Variants in GRM8 observed in about 807,000 individuals in gnomAD.
GRM8 encodes the protein glutamate metabotropic receptor 8, also known as metabotropic glutamate receptor 8.
GRM8 carries 47 observed loss-of-function variants against 87.2 expected under a neutral mutation model. The observed-to-expected ratio is 0.54, with a 90% CI of 0.43 to 0.69. GRM8 has a LOEUF of 0.69. Ranked by LOEUF, GRM8 falls within the 30% of genes least tolerant of loss-of-function variation. The probability of loss-of-function intolerance (pLI) is 0.00; values close to 1 mark genes in which losing one functional copy is unlikely to be tolerated. For missense variants in GRM8, 1,019 were observed against 1,139.2 expected (o/e 0.89, Z 1.52); for synonymous variants, 396 against 404.5 (o/e 0.98, Z 0.25).
intron 3 of GRM8, among the ~76,000 whole-genome samples, chr7:126,971,943 C>T (rs138502206): frequency 1.2e-3 from 182 of 152,256 alleles, no homozygotes; most frequent in African/African-American, 4.2e-3. Flanking sequence ...TGCAACAAGG[C>T]CTTCAATCCC....
At chr7:126,694,564 G>A (rs563056173) in intron 7 of GRM8, among the ~76,000 whole-genome samples, 1 of 151,896 alleles carries the variant, frequency 6.6e-6, no homozygotes, top group South Asian at 2.1e-4. Context: ...TTTTGCAATT[G>A]ATTTGCAAAA....
At chr7:126,806,420 A>T (rs1586014611) in intron 6 of GRM8, among the ~76,000 whole-genome samples, 1 of 152,084 alleles carries the variant, frequency 6.6e-6, no homozygotes, top group African/African-American at 2.4e-5. Flanking sequence ...AAAGAACAAA[A>T]CCTCCAAAGT....
chr7:126,823,418 G>A (rs998039077), intron 6 of GRM8, among the ~76,000 whole-genome samples: 1 of 152,180 alleles, frequency 6.6e-6, no homozygotes, highest in African/African-American at 2.4e-5. Flanking sequence ...CAGAAGTGAG[G>A]CAGAGTATTA....
At chr7:126,823,046 C>T (rs2130211491) in intron 6 of GRM8, among the ~76,000 whole-genome samples, 1 of 152,256 alleles carries the variant, frequency 6.6e-6, no homozygotes, top group Non-Finnish European at 1.5e-5. Flanking sequence ...TTTTATGCCA[C>T]CAAACCTACT....
intron 3 of GRM8, among the ~76,000 whole-genome samples, chr7:127,023,918 GATCAGTAAT>G (rs1389118413): frequency 2.6e-5 from 4 of 152,060 alleles, no homozygotes; most frequent in African/African-American, 9.7e-5. Flanking sequence ...TTTAGAAAAT[GATCAGTAAT>G]TTTTCTGAGA....
rs1447351317 is a variant in GRM8, at chr7:126,533,082, G to A, written c.2300C>T (p.Ala767Val). Residue 767 changes from alanine (A) to valine (V), a missense_variant, in exon 9 of 11, where the codon GCC (alanine) becomes GTC (valine). Coordinates refer to ENST00000339582, the MANE Select transcript of GRM8 (RefSeq NM_000845.3). ...CTCTGGGACACCTCTCGTTTTAATG[G>A]CATAAACAGTACAAGTGACCATCAA... ...ILLMVTCTVYAIKTRGVPETF... is the reference protein window; with the variant it reads ...ILLMVTCTVYVIKTRGVPETF... 4 of 1,612,994 alleles carry A rather than the reference G, an allele frequency of 2.5e-6. No homozygotes were observed. Among genetic ancestry groups the A allele is most frequent in the Non-Finnish European group, 3.4e-6 (4 of 1,179,550 alleles).
intron 3 of GRM8, among the ~76,000 whole-genome samples, chr7:126,955,275 T>C (rs113438776): frequency 3.3e-5 from 5 of 152,246 alleles, no homozygotes; most frequent in African/African-American, 1.2e-4. Flanking sequence ...CTCTTAGAAG[T>C]GTCCTATCTA....
intron 7 of GRM8, among the ~76,000 whole-genome samples, chr7:126,707,426 T>C (rs571958497): frequency 3.9e-4 from 59 of 152,278 alleles, no homozygotes; most frequent in African/African-American, 1.4e-3. Flanking sequence ...GCAAATTGTA[T>C]CTTGCCTTAA....
rs116730317 is a variant in GRM8, at chr7:126,484,423, T to C, written c.2431-38051A>G. The stretch of plus-strand genomic sequence containing the variant: ...TCCCTTAGCATGCATTTCAATAGCA[T>C]TAAGATATAGAAATATTAATAAGAA... On this transcript the variant is annotated intron_variant, in intron 9 of 10. Coordinates refer to ENST00000339582, the MANE Select transcript of GRM8 (RefSeq NM_000845.3). Among the ~76,000 whole-genome samples, 622 of 152,166 alleles carry C rather than the reference T, an allele frequency of 4.1e-3. 4 individuals carry two copies. Among genetic ancestry groups the C allele is most frequent in the African/African-American group, 0.015 (603 of 41,558 alleles).
At chr7:126,679,804 C>A (rs1262767468) in intron 7 of GRM8, among the ~76,000 whole-genome samples, 1 of 152,040 alleles carries the variant, frequency 6.6e-6, no homozygotes, top group Admixed American at 6.6e-5. Flanking sequence ...ATGAGATGGG[C>A]AGATCACTTG....
At chr7:126,589,361 A>G (rs1796463298) in intron 8 of GRM8, among the ~76,000 whole-genome samples, 1 of 152,052 alleles carries the variant, frequency 6.6e-6, no homozygotes, top group Non-Finnish European at 1.5e-5. Flanking sequence ...GCTGTCCCCC[A>G]CTTCCCTGGC....
intron 2 of GRM8, among the ~76,000 whole-genome samples, chr7:127,131,093 G>GCA (rs1827662365): frequency 6.6e-6 from 1 of 152,214 alleles, no homozygotes; most frequent in Non-Finnish European, 1.5e-5. Context: ...TGCAGGAGTT[G>GCA]CATGGAGAAG....
At chr7:127,170,283 T>C (rs540774040) in intron 2 of GRM8, among the ~76,000 whole-genome samples, 352 of 152,042 alleles carry the variant, frequency 2.3e-3, no homozygotes, top group Non-Finnish European at 3.9e-3. Flanking sequence ...ATCAAAACCA[T>C]AATGTGACAC....
intron 3 of GRM8, among the ~76,000 whole-genome samples, chr7:126,986,231 A>G (rs1318495407): frequency 6.6e-6 from 1 of 152,124 alleles, no homozygotes; most frequent in Non-Finnish European, 1.5e-5. Context: ...CCTGGTCTCA[A>G]ACTTCTAAGC....
chr7:126,577,493 CT>C (rs1585104168), intron 8 of GRM8, among the ~76,000 whole-genome samples: 1 of 152,002 alleles, frequency 6.6e-6, no homozygotes, highest in South Asian at 2.1e-4. Flanking sequence ...ATACAAATTT[CT>C]GTGAAATTTC....
At chr7:126,778,445 A>G (rs1184147948) in intron 6 of GRM8, among the ~76,000 whole-genome samples, 1 of 152,206 alleles carries the variant, frequency 6.6e-6, no homozygotes, top group Non-Finnish European at 1.5e-5. Context: ...TAAGTGGCAA[A>G]TAAGATTAAG....
At chr7:126,822,416 T>C (rs1346238256) in intron 6 of GRM8, among the ~76,000 whole-genome samples, 1 of 152,208 alleles carries the variant, frequency 6.6e-6, no homozygotes, top group Non-Finnish European at 1.5e-5. Context: ...TTTTATTTTA[T>C]GAGTGCTTAC....
intron 8 of GRM8, among the ~76,000 whole-genome samples, chr7:126,573,626 T>A (rs1387122910): frequency 6.6e-6 from 1 of 151,992 alleles, no homozygotes; most frequent in Non-Finnish European, 1.5e-5. Flanking sequence ...ACTCTATCAC[T>A]GAGACTAGAA....
intron 8 of GRM8, among the ~76,000 whole-genome samples, chr7:126,604,505 T>C (rs1279371649): frequency 1.3e-5 from 2 of 152,128 alleles, no homozygotes; most frequent in African/African-American, 4.8e-5. Flanking sequence ...AAATTATTAT[T>C]ATCACATTCG....
Sources: gnomAD v4.1 joint callset for allele counts (sites outside exome capture counted in the v4.1 genomes callset) on GRCh38, gnomAD v4.1.1 for gene constraint, MANE v1.5 for transcripts, NCBI Gene and HGNC (gene_info 2026-07-23, HGNC 2026-07-21) for gene names.